The following TTC21B variants were observed in gnomAD, a reference collection of about 807,000 sequenced individuals.
TTC21B encodes the protein tetratricopeptide repeat protein 21B.
A neutral mutation model predicts 175.1 loss-of-function variants in TTC21B; 127 were observed. The observed-to-expected ratio is 0.73, with a 90% CI of 0.63 to 0.84. The LOEUF (loss-of-function observed/expected upper bound fraction) is 0.84. TTC21B is among the 40% of genes least tolerant of loss of function. The probability of loss-of-function intolerance (pLI) is 0.00; values close to 1 mark genes in which losing one functional copy is unlikely to be tolerated. For synonymous variants in TTC21B, 524 were observed against 524.5 expected (o/e 1.00, Z 0.01); for missense variants, 1,561 against 1,558.3 (o/e 1.00, Z -0.03).
intron 11 of TTC21B, among the ~76,000 whole-genome samples, chr2:165,927,304 A>G (rs1480066961): frequency 9.6e-6 from 1 of 104,072 alleles, no homozygotes; most frequent in African/African-American, 4.0e-5. Flanking sequence ...TTATATATAT[A>G]TATTATATAT....
Position 165,931,748 on chromosome 2 carries a change from G to T in TTC21B, c.894+10C>A. 1 of 1,602,120 alleles carries T rather than the reference G, an allele frequency of 6.2e-7. No individual in the cohort carries two copies. The highest frequency in any genetic ancestry group is 8.6e-7 in the Non-Finnish European group (1 of 1,169,278). ...ATAACAGAGCTCTGGTACATGGTAG[G>T]CACTCTCACAGTTCTGCTGAAGGCG... On this transcript the variant is annotated intron_variant, in intron 8 of 28. Coordinates refer to ENST00000243344, the MANE Select transcript of TTC21B (RefSeq NM_024753.5).
chr2:165,936,497 C>A (rs894424804), intron 6 of TTC21B, among the ~76,000 whole-genome samples: 1 of 151,966 alleles, frequency 6.6e-6, no homozygotes, highest in South Asian at 2.1e-4. Flanking sequence ...GCTCTGTGAA[C>A]GACAAGCCAC....
intron 11 of TTC21B, among the ~76,000 whole-genome samples, chr2:165,927,091 TA>T (rs1686674428): frequency 5.1e-5 from 2 of 39,412 alleles, no homozygotes; most frequent in African/African-American, 2.5e-4. Context: ...TATATCCTAG[TA>T]GATATATATA....
Position 165,873,863 on chromosome 2 carries a change from T to A in TTC21B, c.*892A>T, listed in dbSNP as rs542776580. 2 of 152,224 alleles carry A rather than the reference T, an allele frequency of 1.3e-5. No homozygotes were observed. Among genetic ancestry groups the A allele is most frequent in the Admixed American group, 6.5e-5 (1 of 15,280 alleles). 9.4% of individuals were successfully genotyped at this position (152,224 alleles called of 1,614,324 possible). A position where few individuals can be genotyped will look rare whatever the true frequency, so the allele number is the denominator to read the frequency against. On this transcript the variant is annotated 3_prime_UTR_variant, in exon 29 of 29. Transcript: ENST00000243344. ...ATTTTCTGTACTATACCACCACCCA[T>A]TAACATTACAGAATGCAGGGGGAGC...
chr2:165,926,272 A>G (rs1362191211), intron 11 of TTC21B, among the ~76,000 whole-genome samples: 1 of 152,212 alleles, frequency 6.6e-6, no homozygotes, highest in African/African-American at 2.4e-5. Context: ...TCTACAGTTT[A>G]TTCTCAGCAC....
At position 165,915,203 on chromosome 2, in the gene TTC21B, A is replaced by G. The variant is rs753071448; in HGVS notation, c.2136T>C (p.Phe712=). ...RKDKMLYITC[F]REIAERMANP... is the part of the protein sequence containing the mutation. The stretch of plus-strand genomic sequence containing the variant: ...AATGGGTTAAGACAATTACTTACCT[A>G]AAACAAGTGATATATAACATTTTAT... Residue 712 remains phenylalanine (F), a splice_region_variant and synonymous_variant, in exon 15 of 29, where the codon TTT becomes TTC. Coordinates refer to ENST00000243344, the MANE Select transcript of TTC21B (RefSeq NM_024753.5). 26 of 1,608,522 alleles carry G rather than the reference A, an allele frequency of 1.6e-5. No homozygotes were observed. Among genetic ancestry groups the G allele is most frequent in the Non-Finnish European group, 1.9e-5 (22 of 1,175,046 alleles).
At position 165,923,743 on chromosome 2, in the gene TTC21B, G is replaced by GT. The variant is rs1190876494; in HGVS notation, c.1516+805dup. Among the ~76,000 whole-genome samples the GT allele has an allele frequency of 6.1e-3, 657 of 107,292 alleles. 13 individuals are homozygous for GT. Among genetic ancestry groups the GT allele is most frequent in the Middle Eastern group, 7.9e-3 (1 of 126 alleles). 70.4% of individuals were successfully genotyped at this position (107,292 alleles called of 152,430 possible). A position where few individuals can be genotyped will look rare whatever the true frequency, so the allele number is the denominator to read the frequency against. ...AGGCATGAGCCACCACGCCCAGCTG[G>GT]TTTTTTTTTTTTTTTTTTTTTAATG... is the stretch of plus-strand genomic sequence containing the variant. On this transcript the variant is annotated intron_variant, in intron 12 of 28. Coordinates refer to ENST00000243344, the MANE Select transcript of TTC21B (RefSeq NM_024753.5).
At chr2:165,940,957 CACAGATGTCGCTTTT>C in intron 6 of TTC21B, 55 bp downstream of exon 6, 1 of 1,565,594 alleles carries the variant, frequency 6.4e-7, no homozygotes, top group East Asian at 2.2e-5. Flanking sequence ...GAAAAAAATT[CACAGATGTCGCTTTT>C]TCTCAAAATT....
intron 18 of TTC21B, among the ~76,000 whole-genome samples, chr2:165,908,818 A>G (rs1300414366): frequency 6.6e-6 from 1 of 152,064 alleles, no homozygotes; most frequent in Non-Finnish European, 1.5e-5. Flanking sequence ...CCCCCTACAA[A>G]CTTTTCAAAA....
chr2:165,933,248 AT>A (rs938383567), intron 6 of TTC21B, among the ~76,000 whole-genome samples, 191 bp from the exon 7 acceptor site: 11 of 152,318 alleles, frequency 7.2e-5, no homozygotes, highest in African/African-American at 2.4e-4. Flanking sequence ...CTGGAGTTTA[AT>A]TTTTAATATG....
intron 22 of TTC21B, among the ~76,000 whole-genome samples, chr2:165,894,477 G>A (rs1685295712): frequency 6.6e-6 from 1 of 152,076 alleles, no homozygotes. Context: ...TAGATCTGTG[G>A]ATAAGTATGT....
chr2:165,952,938 C>T (rs140327895), intron 1 of TTC21B, among the ~76,000 whole-genome samples: 1 of 152,354 alleles, frequency 6.6e-6, no homozygotes, highest in Non-Finnish European at 1.5e-5. Context: ...TTTGTTGAGT[C>T]AACTGAATTA....
chr2:165,875,384 T>C (rs990642332), intron 28 of TTC21B, among the ~76,000 whole-genome samples: 1 of 152,098 alleles, frequency 6.6e-6, no homozygotes, highest in African/African-American at 2.4e-5. Flanking sequence ...CAGCAATTAC[T>C]AAGGCCAAGT....
At chr2:165,915,093 G>T (rs925661398) in intron 15 of TTC21B, 108 bp downstream of exon 15, 5 of 913,396 alleles carry the variant, frequency 5.5e-6, no homozygotes, top group Non-Finnish European at 5.4e-6. Context: ...TTCAGAAAAC[G>T]ATCTGTAAAG....
chr2:165,945,631 C>G lies in TTC21B; in HGVS notation c.322G>C (p.Glu108Gln), dbSNP rs1687529614. Residue 108 changes from glutamate to glutamine, a missense_variant, in exon 4 of 29, where the codon GAG (glutamate) becomes CAG (glutamine). Glu to Gln is a conservative substitution (Grantham distance 29, BLOSUM62 2). Coordinates refer to ENST00000243344, the MANE Select transcript of TTC21B (RefSeq NM_024753.5). ...RVKEQRKGAG[E>Q]KALYHAGLFL... ...AAGCCTGCATGGTATAAGGCTTTCTCTCCAGCTCCTTTACGTTGTTCCTTC... is the reference window on the plus strand; with the variant it reads ...AAGCCTGCATGGTATAAGGCTTTCTGTCCAGCTCCTTTACGTTGTTCCTTC... The G allele has an allele frequency of 6.2e-7, 1 of 1,613,816 alleles. No individual in the cohort carries two copies. The highest frequency in any genetic ancestry group is 8.5e-7 in the Non-Finnish European group (1 of 1,179,938).
Position 165,949,730 on chromosome 2 carries a change from T to C in TTC21B, c.22-6A>G. 2.5e-6 allele frequency: 4 copies of C among 1,607,960 alleles called. No individual in the cohort carries two copies. The highest frequency in any genetic ancestry group is 2.6e-6 in the Non-Finnish European group (3 of 1,175,170). On this transcript the variant is annotated splice_polypyrimidine_tract_variant and splice_region_variant and intron_variant, in intron 1 of 28. Transcript: ENST00000243344. ...CAATAGTAATTAATCAAAGTCTAAA[T>C]GGAAATAATGAAAAAATGTTATAAA...
chr2:165,923,074 G>A (rs556948585), intron 12 of TTC21B, among the ~76,000 whole-genome samples: 7 of 152,248 alleles, frequency 4.6e-5, no homozygotes, highest in South Asian at 2.1e-4. Flanking sequence ...GTGGACTTTG[G>A]AGACTTAGAA....
At chr2:165,926,935 G>GTTAATATTCT (rs1455330218) in intron 11 of TTC21B, among the ~76,000 whole-genome samples, 5 of 141,718 alleles carry the variant, frequency 3.5e-5, no homozygotes, top group African/African-American at 1.3e-4. Context: ...GATCGTGTGA[G>GTTAATATTCT]TTAATATTCT....
intron 22 of TTC21B, among the ~76,000 whole-genome samples, chr2:165,895,664 G>A (rs930402942): frequency 2.0e-5 from 3 of 152,020 alleles, no homozygotes; most frequent in African/African-American, 4.8e-5. Context: ...GGAAAAAAAC[G>A]ATACAGGCCT....
Sources: gnomAD v4.1 joint callset for allele counts (sites outside exome capture counted in the v4.1 genomes callset) on GRCh38, gnomAD v4.1.1 for gene constraint, MANE v1.5 for transcripts, NCBI Gene and HGNC (gene_info 2026-07-23, HGNC 2026-07-21) for gene names.